The following BNC2 variants were observed in gnomAD, a reference collection of about 807,000 sequenced individuals.
BNC2 encodes basonuclin zinc finger protein 2, also known as zinc finger protein basonuclin-2.
A neutral mutation model predicts 76.3 loss-of-function variants in BNC2; 20 were observed. The ratio of observed to expected loss-of-function variants is 0.26; its 90% confidence interval spans 0.18 to 0.38. BNC2 has a LOEUF of 0.38. Among genes scored for constraint, BNC2 ranks in the 10% least tolerant of loss-of-function variants. The pLI, the probability that BNC2 is intolerant of heterozygous loss-of-function variation, is 1.00. For missense variants in BNC2, 1,382 were observed against 1,399.8 expected (o/e 0.99, Z 0.20); for synonymous variants, 582 against 514.8 (o/e 1.13, Z -1.77).
chr9:16,847,769 A>C (rs555776576), intron 1 of BNC2, among the ~76,000 whole-genome samples: 3 of 152,336 alleles, frequency 2.0e-5, no homozygotes, highest in Admixed American at 2.0e-4. Context: ...ATAAAGACAG[A>C]AAAATGAAAA....
intron 3 of BNC2, among the ~76,000 whole-genome samples, chr9:16,655,963 T>C (rs16934891): frequency 0.015 from 2,283 of 152,264 alleles, 63 homozygotes; most frequent in African/African-American, 0.052. Context: ...TCGCCACGCA[T>C]TGTAAGTACT....
chr9:16,832,737 CTTT>C (rs930564033), intron 1 of BNC2, among the ~76,000 whole-genome samples: 4 of 149,218 alleles, frequency 2.7e-5, no homozygotes, highest in Non-Finnish European at 4.5e-5. Flanking sequence ...TTTTTTTTTT[CTTT>C]TTTTGAGATG....
intron 1 of BNC2, among the ~76,000 whole-genome samples, chr9:16,800,023 G>A (rs139581806): frequency 0.023 from 3,438 of 152,072 alleles, 72 homozygotes; most frequent in African/African-American, 0.054. Context: ...TCAGGAGTTC[G>A]AGACCAGCCT....
intron 5 of BNC2, among the ~76,000 whole-genome samples, chr9:16,539,717 AGG>A (rs1237419272): frequency 7.5e-6 from 1 of 134,158 alleles, no homozygotes; most frequent in African/African-American, 3.0e-5. Flanking sequence ...GAAGGAAGGA[AGG>A]GGAAGGAAAA....
At chr9:16,863,241 C>A (rs1020291702) in intron 1 of BNC2, among the ~76,000 whole-genome samples, 1 of 152,144 alleles carries the variant, frequency 6.6e-6, no homozygotes. Flanking sequence ...CACAGTACTT[C>A]CGCCCGCTGG....
At chr9:16,857,824 T>G (rs1376888870) in intron 1 of BNC2, among the ~76,000 whole-genome samples, 2 of 152,212 alleles carry the variant, frequency 1.3e-5, no homozygotes, top group Non-Finnish European at 2.9e-5. Flanking sequence ...ATATCAGCCT[T>G]TATTAGCATG....
intron 3 of BNC2, among the ~76,000 whole-genome samples, chr9:16,686,691 T>G (rs1278849411): frequency 6.6e-6 from 1 of 152,196 alleles, no homozygotes; most frequent in Non-Finnish European, 1.5e-5. Flanking sequence ...CATGCTAGCT[T>G]AAAAGGTGCT....
intron 4 of BNC2, among the ~76,000 whole-genome samples, chr9:16,563,316 G>C (rs971878749): frequency 3.9e-5 from 6 of 152,002 alleles, no homozygotes; most frequent in Admixed American, 3.9e-4. Context: ...CTAAACTGAA[G>C]ACTAACGATT....
intron 3 of BNC2, among the ~76,000 whole-genome samples, chr9:16,619,488 AATAAT>A (rs1349466218): frequency 6.6e-6 from 1 of 152,216 alleles, no homozygotes; most frequent in Non-Finnish European, 1.5e-5. Context: ...CTTCAGTTAA[AATAAT>A]ATATTACACA....
rs763681726 is a variant in BNC2, at chr9:16,499,530, CT to C, written c.669+52999del. ...CTCCTCCCTAAATATCTTTTTTTTT[CT>C]TTTTTTTTTTTTTTTTGAGACAGAG... On this transcript the variant is annotated intron_variant, in intron 5 of 6. Coordinates refer to ENST00000380672, the MANE Select transcript of BNC2 (RefSeq NM_017637.6). 6.9e-3 allele frequency among the ~76,000 whole-genome samples: 881 copies of C among 127,078 alleles called. 3 individuals are homozygous for C. The highest frequency in any genetic ancestry group is 0.023 in the East Asian group (102 of 4,372). 83.4% of individuals were successfully genotyped at this position (127,078 alleles called of 152,430 possible). A position where few individuals can be genotyped will look rare whatever the true frequency, so the allele number is the denominator to read the frequency against.
chr9:16,560,306 G>A (rs1361897356), intron 4 of BNC2, among the ~76,000 whole-genome samples: 1 of 152,216 alleles, frequency 6.6e-6, no homozygotes, highest in Non-Finnish European at 1.5e-5. Context: ...AGTCCAAAAA[G>A]ATCAGATTAG....
chr9:16,717,702 A>G (rs374182103), intron 3 of BNC2, among the ~76,000 whole-genome samples: 16 of 152,224 alleles, frequency 1.1e-4, no homozygotes, highest in African/African-American at 3.1e-4. Context: ...AGAGAAAAGT[A>G]TTACTGTCAC....
chr9:16,803,997 T>C (rs146629572), intron 1 of BNC2, among the ~76,000 whole-genome samples: 184 of 152,350 alleles, frequency 1.2e-3, no homozygotes, highest in South Asian at 3.1e-3. Context: ...CTAACAGTTT[T>C]TGTATAACAA....
At chr9:16,605,791 T>C (rs1820368005) in intron 3 of BNC2, among the ~76,000 whole-genome samples, 1 of 148,552 alleles carries the variant, frequency 6.7e-6, no homozygotes, top group African/African-American at 2.5e-5. Context: ...ATTCTTTTTT[T>C]TTTTTTTTTT....
intron 1 of BNC2, among the ~76,000 whole-genome samples, chr9:16,806,261 A>G (rs1356600065): frequency 6.6e-6 from 1 of 152,200 alleles, no homozygotes; most frequent in Non-Finnish European, 1.5e-5. Flanking sequence ...GGATCACTTG[A>G]GCCCAAGGGT....
intron 3 of BNC2, among the ~76,000 whole-genome samples, chr9:16,634,275 T>C (rs931429409): frequency 6.6e-6 from 1 of 152,194 alleles, no homozygotes; most frequent in East Asian, 1.9e-4. Context: ...CCTCTATTAT[T>C]AAGTTCTGAG....
At chr9:16,721,634 C>T (rs7042243) in intron 3 of BNC2, among the ~76,000 whole-genome samples, 40,043 of 152,008 alleles carry the variant, frequency 0.26, 7,752 homozygotes, top group East Asian at 0.64. Context: ...TATTTCTACA[C>T]GCATAACAAA....
intron 5 of BNC2, among the ~76,000 whole-genome samples, chr9:16,453,280 T>C (rs1334638546): frequency 6.6e-6 from 1 of 152,164 alleles, no homozygotes; most frequent in Non-Finnish European, 1.5e-5. Flanking sequence ...TCTAATATCA[T>C]GAAGTGAGTA....
intron 3 of BNC2, among the ~76,000 whole-genome samples, chr9:16,689,314 A>C (rs1823081805): frequency 6.6e-6 from 1 of 152,190 alleles, no homozygotes; most frequent in Non-Finnish European, 1.5e-5. Context: ...CAAAGGAAAA[A>C]AGAGAAAAGT....
Sources: gnomAD v4.1 joint callset for allele counts (sites outside exome capture counted in the v4.1 genomes callset) on GRCh38, gnomAD v4.1.1 for gene constraint, MANE v1.5 for transcripts, NCBI Gene and HGNC (gene_info 2026-07-23, HGNC 2026-07-21) for gene names.